CA10: variants seen among roughly 807,000 people sequenced by gnomAD.
The protein encoded by CA10 is carbonic anhydrase 10 (inactive), also known as carbonic anhydrase-related protein 10.
CA10 carries 14 observed loss-of-function variants against 44.2 expected under a neutral mutation model. That is an observed-to-expected ratio of 0.32 (90% CI 0.21 to 0.50). The LOEUF is 0.50. Among genes scored for constraint, CA10 ranks in the 20% least tolerant of loss-of-function variants. The pLI is 0.99. For synonymous variants in CA10, 159 were observed against 141.6 expected (o/e 1.12, Z -0.87); for missense variants, 350 against 409.7 (o/e 0.85, Z 1.26).
intron 2 of CA10, among the ~76,000 whole-genome samples, chr17:51,952,053 T>C (rs1167838392): frequency 6.6e-6 from 1 of 152,178 alleles, no homozygotes; most frequent in African/African-American, 2.4e-5. Flanking sequence ...AAGAGAAAAT[T>C]AACTGCCAAA....
chr17:51,756,112 T>C (rs1448774445), intron 3 of CA10, among the ~76,000 whole-genome samples: 2 of 152,114 alleles, frequency 1.3e-5, no homozygotes, highest in African/African-American at 4.8e-5. Flanking sequence ...CAACAGATTT[T>C]CTTTTACTAT....
rs1179889197 is a variant in CA10, at chr17:52,080,483, A to AATAC, written c.62-8091_62-8090insGTAT. Among the ~76,000 whole-genome samples the AATAC allele has an allele frequency of 2.9e-4, 44 of 149,758 alleles. No individual in the cohort carries two copies. The East Asian group carries it at 8.4e-3, about 29-fold the overall frequency. On this transcript the variant is annotated intron_variant, in intron 1 of 8. Coordinates refer to ENST00000451037, the MANE Select transcript of CA10 (RefSeq NM_020178.5). ...AAATAAATAAATAAATAAATAAATA[A>AATAC]ATAAATAAATAAATAAATATTAAAA...
Position 51,687,521 on chromosome 17 carries a change from A to G in CA10, c.466-33785T>C, listed in dbSNP as rs149583607. On this transcript the variant is annotated intron_variant, in intron 4 of 8. Coordinates refer to ENST00000451037, the MANE Select transcript of CA10 (RefSeq NM_020178.5). ...ATGAATGAATGAATGAATTCTATCA[A>G]TGAAAGAAAGCAAGGCCCAGAGAAA... Among the ~76,000 whole-genome samples, 112 of 152,344 alleles carry G rather than the reference A, an allele frequency of 7.4e-4. 1 individual carries two copies. Among genetic ancestry groups the G allele is most frequent in the African/African-American group, 2.4e-3 (98 of 41,580 alleles).
At chr17:52,099,162 A>G (rs1312116681) in intron 1 of CA10, among the ~76,000 whole-genome samples, 1 of 152,154 alleles carries the variant, frequency 6.6e-6, no homozygotes, top group Admixed American at 6.5e-5. Context: ...TAATAAGAAA[A>G]AAAAGGGTCA....
intron 3 of CA10, among the ~76,000 whole-genome samples, chr17:51,785,644 G>A (rs756096579): frequency 1.4e-4 from 21 of 152,116 alleles, no homozygotes; most frequent in Non-Finnish European, 4.4e-5. Flanking sequence ...AGTACCCTTT[G>A]TTCTGTTCAA....
At chr17:51,677,799 G>A (rs1302364445) in intron 4 of CA10, among the ~76,000 whole-genome samples, 6 of 151,788 alleles carry the variant, frequency 4.0e-5, no homozygotes, top group Admixed American at 1.3e-4. Flanking sequence ...TGCTTGGTAC[G>A]GGGTAAGCAC....
chr17:52,106,504 T>C lies in CA10; in HGVS notation c.62-34111A>G, dbSNP rs140412945. On this transcript the variant is annotated intron_variant, in intron 1 of 8. Transcript: ENST00000451037. ...GTATAGCTTTTCGTTGTTGTTAATATGAAAATGCTATAAGTGCTACAAAAA... is the reference window on the plus strand; with the variant it reads ...GTATAGCTTTTCGTTGTTGTTAATACGAAAATGCTATAAGTGCTACAAAAA... 4.1e-3 allele frequency among the ~76,000 whole-genome samples: 623 copies of C among 152,304 alleles called. 5 individuals carry two copies. The highest frequency in any genetic ancestry group is 0.014 in the African/African-American group (593 of 41,562).
chr17:51,902,425 C>T (rs1364518537), intron 3 of CA10, among the ~76,000 whole-genome samples: 4 of 151,820 alleles, frequency 2.6e-5, no homozygotes, highest in African/African-American at 7.3e-5. Context: ...CTTTTTTTCC[C>T]CATTTGTGCC....
At chr17:51,936,869 T>C (rs1982890103) in intron 2 of CA10, among the ~76,000 whole-genome samples, 1 of 152,182 alleles carries the variant, frequency 6.6e-6, no homozygotes, top group Admixed American at 6.5e-5. Context: ...GGTTTTTAAG[T>C]GAATTTAATC....
intron 2 of CA10, among the ~76,000 whole-genome samples, chr17:52,031,107 G>T (rs1295444570): frequency 4.0e-5 from 6 of 151,042 alleles, no homozygotes; most frequent in Admixed American, 4.0e-4. Context: ...CATAAGTCAA[G>T]AAAAATAAGA....
intron 4 of CA10, among the ~76,000 whole-genome samples, chr17:51,741,012 C>T (rs1389562878): frequency 1.3e-5 from 2 of 152,170 alleles, no homozygotes; most frequent in African/African-American, 4.8e-5. Flanking sequence ...TGTCTCCCCC[C>T]GCTAGACTAT....
intron 6 of CA10, among the ~76,000 whole-genome samples, chr17:51,643,958 C>T (rs2143246853): frequency 6.6e-6 from 1 of 152,252 alleles, no homozygotes; most frequent in South Asian, 2.1e-4. Flanking sequence ...AGTCAGGCAA[C>T]AAAAGGAAGT....
intron 3 of CA10, among the ~76,000 whole-genome samples, chr17:51,843,656 T>G (rs953328587): frequency 4.6e-5 from 7 of 152,226 alleles, no homozygotes; most frequent in African/African-American, 1.7e-4. Context: ...TATGCCAACC[T>G]TTCCCTACAG....
chr17:51,676,390 C>T (rs1914627355), intron 4 of CA10, among the ~76,000 whole-genome samples: 1 of 152,174 alleles, frequency 6.6e-6, no homozygotes, highest in African/African-American at 2.4e-5. Context: ...TACTCCTCTA[C>T]CCCACTCTGA....
At chr17:51,735,556 TG>T (rs11304700) in intron 4 of CA10, among the ~76,000 whole-genome samples, 94,582 of 151,808 alleles carry the variant, frequency 0.62, 30,145 homozygotes, top group Admixed American at 0.72. Flanking sequence ...TGAAATTATT[TG>T]GAAAAAAATG....
intron 4 of CA10, among the ~76,000 whole-genome samples, chr17:51,674,271 T>C (rs888554984): frequency 6.6e-6 from 1 of 152,200 alleles, no homozygotes; most frequent in African/African-American, 2.4e-5. Flanking sequence ...TTTTTCTGAA[T>C]TGATCCAACT....
At chr17:51,641,832 A>C (rs774631043) in intron 6 of CA10, among the ~76,000 whole-genome samples, 4 of 151,962 alleles carry the variant, frequency 2.6e-5, no homozygotes, top group Non-Finnish European at 4.4e-5. Context: ...TGTTAAATGC[A>C]TTGTGCTTAC....
intron 2 of CA10, among the ~76,000 whole-genome samples, chr17:51,965,868 C>T (rs1984060620): frequency 6.6e-6 from 1 of 151,800 alleles, no homozygotes; most frequent in African/African-American, 2.4e-5. Context: ...CTAGCCAGAA[C>T]AATCAGGCAA....
intron 3 of CA10, among the ~76,000 whole-genome samples, chr17:51,913,921 T>C (rs747869586): frequency 1.3e-5 from 2 of 152,132 alleles, no homozygotes; most frequent in Admixed American, 6.6e-5. Context: ...ATTACCATTA[T>C]TATTATCCAC....
Sources: allele counts gnomAD v4.1 joint callset (sites outside exome capture counted in the v4.1 genomes callset), GRCh38; gene constraint gnomAD v4.1.1; transcripts MANE v1.5; gene names NCBI Gene and HGNC (gene_info 2026-07-23, HGNC 2026-07-21).